Variants in LRP1B observed in about 807,000 individuals in gnomAD.
LRP1B encodes the protein LDL receptor related protein 1B, also known as low-density lipoprotein receptor-related protein 1B.
Under a neutral mutation model 556.6 loss-of-function variants are expected in LRP1B, and 217 were observed. The observed-to-expected ratio is 0.39, with a 90% CI of 0.35 to 0.44. LRP1B has a LOEUF of 0.44. LRP1B is among the 20% of genes least tolerant of loss of function. The probability of loss-of-function intolerance (pLI) is 1.00; values close to 1 mark genes in which losing one functional copy is unlikely to be tolerated. For missense variants in LRP1B, 5,053 were observed against 5,620.8 expected (o/e 0.90, Z 3.23); for synonymous variants, 2,047 against 1,865.8 (o/e 1.10, Z -2.50).
intron 1 of LRP1B, among the ~76,000 whole-genome samples, chr2:141,890,333 T>TACAC (rs370308085): frequency 1.5e-5 from 2 of 133,086 alleles, no homozygotes; most frequent in Non-Finnish European, 3.2e-5. Context: ...CATATATATA[T>TACAC]ATATATATAT....
intron 2 of LRP1B, among the ~76,000 whole-genome samples, chr2:141,528,881 C>A (rs1463809935): frequency 1.3e-5 from 2 of 152,116 alleles, no homozygotes; most frequent in African/African-American, 4.8e-5. Context: ...TTATTCACAA[C>A]CACATATAAA....
chr2:141,972,624 T>C (rs1473017649), intron 1 of LRP1B, among the ~76,000 whole-genome samples: 1 of 150,698 alleles, frequency 6.6e-6, no homozygotes, highest in East Asian at 1.9e-4. Flanking sequence ...ACCACACCTG[T>C]GAAATATTTA....
chr2:142,116,079 C>T (rs551087373), intron 1 of LRP1B, among the ~76,000 whole-genome samples: 34 of 142,116 alleles, frequency 2.4e-4, no homozygotes, highest in African/African-American at 8.6e-4. Context: ...TATCTGGGTG[C>T]GGTTGCATAT....
intron 2 of LRP1B, among the ~76,000 whole-genome samples, chr2:141,723,742 A>G (rs977807579): frequency 6.6e-6 from 1 of 151,940 alleles, no homozygotes; most frequent in Non-Finnish European, 1.5e-5. Context: ...TTCTGTAGAT[A>G]AAACTGCATT....
chr2:140,286,791 A>G (rs1683169499), intron 84 of LRP1B, among the ~76,000 whole-genome samples: 1 of 151,820 alleles, frequency 6.6e-6, no homozygotes, highest in Non-Finnish European at 1.5e-5. Context: ...AACCTTATGT[A>G]TATATATTAT....
intron 2 of LRP1B, among the ~76,000 whole-genome samples, chr2:141,676,668 C>T (rs2105422309): frequency 6.6e-6 from 1 of 152,210 alleles, no homozygotes; most frequent in East Asian, 1.9e-4. Context: ...TGATCTTGGA[C>T]TTGATCTAGG....
chr2:140,439,111 A>G (rs1160231684), intron 66 of LRP1B, among the ~76,000 whole-genome samples: 1 of 152,248 alleles, frequency 6.6e-6, no homozygotes, highest in Non-Finnish European at 1.5e-5. Context: ...AATCTAGCAC[A>G]GTCTGTCAAA....
At chr2:141,435,795 CTA>C (rs1680742022) in intron 3 of LRP1B, among the ~76,000 whole-genome samples, 1 of 152,188 alleles carries the variant, frequency 6.6e-6, no homozygotes, top group Non-Finnish European at 1.5e-5. Flanking sequence ...AGCTTCTGTA[CTA>C]TGAGTGTGGG....
chr2:140,497,698 AAAACAGTATT>A (rs1339110478), intron 55 of LRP1B, among the ~76,000 whole-genome samples: 4 of 151,792 alleles, frequency 2.6e-5, no homozygotes, highest in African/African-American at 9.7e-5. Context: ...GAATTCCTCT[AAAACAGTATT>A]ATTAAATGAA....
intron 80 of LRP1B, 30 bp from the exon 81 acceptor site, chr2:140,324,096 TTTTAATG>T: frequency 7.0e-7 from 1 of 1,425,650 alleles, no homozygotes; most frequent in Non-Finnish European, 9.9e-7. Flanking sequence ...GTTATGAAAG[TTTTAATG>T]TATATACTCA....
Position 141,828,909 on chromosome 2 carries a change from C to T in LRP1B, c.83-18508G>A, listed in dbSNP as rs541287590. 4.6e-5 allele frequency among the ~76,000 whole-genome samples: 7 copies of T among 152,026 alleles called. 1 individual carries two copies. Among genetic ancestry groups the T allele is most frequent in the African/African-American group, 1.7e-4 (7 of 41,484 alleles). On this transcript the variant is annotated intron_variant, in intron 1 of 90. Coordinates refer to ENST00000389484, the MANE Select transcript of LRP1B (RefSeq NM_018557.3). The stretch of plus-strand genomic sequence containing the variant: ...TAGATTTGGAATCAAATGGTAAGAG[C>T]GTTGATTCAGTTATTTGCTAATTGT...
Position 141,988,857 on chromosome 2 carries a change from A to G in LRP1B, c.82+141791T>C, listed in dbSNP as rs182375678. Among the ~76,000 whole-genome samples the G allele has an allele frequency of 3.3e-5, 5 of 152,156 alleles. No homozygotes were observed. The East Asian group carries it at 7.7e-4, about 24-fold the overall frequency. On this transcript the variant is annotated intron_variant, in intron 1 of 90. Coordinates refer to ENST00000389484, the MANE Select transcript of LRP1B (RefSeq NM_018557.3). ...CTGAGACTCTCATTTCCCACTTTAG[A>G]GCATTTTCTCATATCATTACTAATA...
At chr2:141,314,765 T>G (rs1686936546) in intron 3 of LRP1B, among the ~76,000 whole-genome samples, 1 of 145,618 alleles carries the variant, frequency 6.9e-6, no homozygotes. Flanking sequence ...CACTCCAGCC[T>G]GGGCGACAGA....
chr2:142,027,673 A>AACACACAC (rs3041444), intron 1 of LRP1B, among the ~76,000 whole-genome samples: 3 of 146,832 alleles, frequency 2.0e-5, no homozygotes, highest in South Asian at 4.7e-4. Flanking sequence ...AAAAGATTAA[A>AACACACAC]ACACACACAC....
intron 58 of LRP1B, 110 bp from the exon 59 acceptor site, chr2:140,485,634 T>C: frequency 1.4e-6 from 1 of 740,640 alleles, no homozygotes; most frequent in South Asian, 2.3e-5. Context: ...ATGTAAAGAA[T>C]GGAACTTAGA....
intron 3 of LRP1B, among the ~76,000 whole-genome samples, chr2:141,271,695 C>G (rs1685096877): frequency 6.7e-6 from 1 of 150,288 alleles, no homozygotes; most frequent in South Asian, 2.1e-4. Flanking sequence ...GTTAGTAAAC[C>G]TAGCTTATAA....
intron 1 of LRP1B, among the ~76,000 whole-genome samples, chr2:142,121,652 G>T (rs902297586): frequency 6.6e-6 from 1 of 152,056 alleles, no homozygotes; most frequent in African/African-American, 2.4e-5. Flanking sequence ...ATTGTCCTCA[G>T]TCACATTACA....
rs373655430 is a variant in LRP1B at position 140,876,906 on chromosome 2, A to G, written c.4169+6911T>C. On this transcript the variant is annotated intron_variant, in intron 25 of 90. Transcript: ENST00000389484. ...GTCTTTAGTGAAAATGGGAAACTGG[A>G]GAAAGAATAATAATGTTTCAAAAAC... Among the ~76,000 whole-genome samples the G allele has an allele frequency of 1.7e-4, 26 of 152,336 alleles. No homozygotes were observed. In the South Asian group the frequency reaches 5.4e-3, roughly 32 times the overall value.
At chr2:141,279,269 T>C (rs1174652998) in intron 3 of LRP1B, among the ~76,000 whole-genome samples, 3 of 149,400 alleles carry the variant, frequency 2.0e-5, no homozygotes, top group Non-Finnish European at 4.4e-5. Context: ...AAATATTGAG[T>C]ATTTTGGGGA....
Sources: allele counts gnomAD v4.1 joint callset (sites outside exome capture counted in the v4.1 genomes callset), GRCh38; gene constraint gnomAD v4.1.1; transcripts MANE v1.5; gene names NCBI Gene and HGNC (gene_info 2026-07-23, HGNC 2026-07-21).